Variants in LUZP1 observed in about 807,000 individuals in gnomAD.
LUZP1 encodes the protein filamin mechanobinding actin cross-linking protein.
LUZP1 carries 25 observed loss-of-function variants against 71.3 expected under a neutral mutation model. The observed-to-expected ratio is 0.35, with a 90% CI of 0.26 to 0.49. The LOEUF (loss-of-function observed/expected upper bound fraction) is 0.49, where lower values mean the gene tolerates loss of function less well. LUZP1 is among the 20% of genes least tolerant of loss of function. LUZP1 has a pLI of 0.99. For missense variants in LUZP1, 1,142 were observed against 1,300.8 expected (o/e 0.88, Z 1.88); for synonymous variants, 481 against 506.4 (o/e 0.95, Z 0.67).
chr1:23,121,659 G>C (rs1010172738), intron 2 of LUZP1, among the ~76,000 whole-genome samples: 3 of 152,182 alleles, frequency 2.0e-5, no homozygotes, highest in Non-Finnish European at 2.9e-5. Flanking sequence ...GGTCAAGGCT[G>C]CAGTGAGCCG....
At chr1:23,121,229 T>C (rs1364651534) in intron 2 of LUZP1, among the ~76,000 whole-genome samples, 1 of 152,250 alleles carries the variant, frequency 6.6e-6, no homozygotes, top group East Asian at 1.9e-4. Context: ...TAATTTAGTC[T>C]GTAATAGTTT....
intron 2 of LUZP1, among the ~76,000 whole-genome samples, chr1:23,109,390 T>C (rs1468956261): frequency 6.6e-6 from 1 of 152,230 alleles, no homozygotes; most frequent in East Asian, 1.9e-4. Context: ...TAGAACCCAC[T>C]GTCTTTGCTT....
chr1:23,104,315 G>C (rs1277647060), intron 3 of LUZP1, among the ~76,000 whole-genome samples: 2 of 151,982 alleles, frequency 1.3e-5, no homozygotes, highest in Non-Finnish European at 2.9e-5. Flanking sequence ...CTCCCGAGTA[G>C]CTGGGATTAC....
At chr1:23,126,580 C>T (rs1389339609) in intron 2 of LUZP1, among the ~76,000 whole-genome samples, 2 of 152,206 alleles carry the variant, frequency 1.3e-5, no homozygotes, top group African/African-American at 4.8e-5. Flanking sequence ...CCCACCACTA[C>T]CACTATATTC....
intron 2 of LUZP1, among the ~76,000 whole-genome samples, chr1:23,149,960 CAAAAAAAAAAAAA>C (rs66680455): frequency 3.3e-4 from 25 of 75,788 alleles, no homozygotes; most frequent in Admixed American, 6.0e-4. Context: ...GACTCCGTCT[CAAAAAAAAAAAAA>C]AAAAAAAAAA....
At chr1:23,120,839 T>C (rs1644124143) in intron 2 of LUZP1, among the ~76,000 whole-genome samples, 1 of 152,140 alleles carries the variant, frequency 6.6e-6, no homozygotes, top group Admixed American at 6.5e-5. Flanking sequence ...AAAGGAGGGC[T>C]TTCATATTTA....
At chr1:23,092,825 C>G in exon 4 of LUZP1, 1 of 1,613,756 alleles carries the variant, frequency 6.2e-7, no homozygotes, top group Non-Finnish European at 8.5e-7. Context: ...CCTGAGCAGC[C>G]GGGGGGTAGC....
chr1:23,140,987 G>A (rs1264194470), intron 2 of LUZP1: 1 of 152,386 alleles, frequency 6.6e-6, no homozygotes, highest in African/African-American at 2.4e-5. Context: ...TGTGCCCAGG[G>A]AGAAGGTGGA....
intron 2 of LUZP1, among the ~76,000 whole-genome samples, chr1:23,152,002 CAA>C (rs577798980): frequency 3.5e-4 from 22 of 63,536 alleles, no homozygotes; most frequent in Admixed American, 3.5e-4. Flanking sequence ...ACTCAGTCTC[CAA>C]AAAAAAAAAA....
exon 5 of LUZP1, chr1:23,086,235 A>G (rs1167690596): frequency 6.5e-6 from 1 of 152,684 alleles, no homozygotes; most frequent in East Asian, 1.9e-4. Flanking sequence ...GCCCAGAGAA[A>G]CAGCCTCCAG....
chr1:23,167,511 T>C (rs1644519277), intron 2 of LUZP1, among the ~76,000 whole-genome samples: 1 of 152,182 alleles, frequency 6.6e-6, no homozygotes, highest in Non-Finnish European at 1.5e-5. Flanking sequence ...TCTGGCCTTC[T>C]GGAAATCACA....
At chr1:23,092,855 C>T in exon 4 of LUZP1, 14 of 1,613,856 alleles carry the variant, frequency 8.7e-6, no homozygotes, top group Non-Finnish European at 1.2e-5. Context: ...CTGAGGGCTG[C>T]TCCCTAGACT....
At chr1:23,163,555 T>TAAAAAA (rs57231452) in intron 2 of LUZP1, among the ~76,000 whole-genome samples, 2 of 119,178 alleles carry the variant, frequency 1.7e-5, no homozygotes, top group Non-Finnish European at 1.7e-5. Flanking sequence ...TCCCGTCTCT[T>TAAAAAA]AAAAAAAAAA....
At chr1:23,170,864 A>T (rs1392640251) in intron 1 of LUZP1, among the ~76,000 whole-genome samples, 2 of 150,974 alleles carry the variant, frequency 1.3e-5, no homozygotes, top group Admixed American at 6.6e-5. Flanking sequence ...GTCCAGGGGG[A>T]TGGATCACTT....
intron 2 of LUZP1, among the ~76,000 whole-genome samples, chr1:23,164,271 G>T (rs1006612948): frequency 3.3e-5 from 5 of 152,126 alleles, no homozygotes; most frequent in African/African-American, 1.2e-4. Context: ...CGAAGCGGGC[G>T]GATCACGAGG....
At chr1:23,126,916 C>G (rs1387401097) in intron 2 of LUZP1, among the ~76,000 whole-genome samples, 2 of 152,180 alleles carry the variant, frequency 1.3e-5, no homozygotes, top group Non-Finnish European at 2.9e-5. Flanking sequence ...TTTCCACATG[C>G]CTTAAACTCC....
chr1:23,122,891 A>G (rs1644141354), intron 2 of LUZP1, among the ~76,000 whole-genome samples: 1 of 152,234 alleles, frequency 6.6e-6, no homozygotes, highest in Admixed American at 6.5e-5. Context: ...TTTTCTAATA[A>G]GCAATCGTGC....
intron 2 of LUZP1, among the ~76,000 whole-genome samples, chr1:23,110,355 C>T (rs1644017968): frequency 6.6e-6 from 1 of 152,194 alleles, no homozygotes; most frequent in Non-Finnish European, 1.5e-5. Flanking sequence ...AGAGCTACTA[C>T]AGATGGAAGA....
At chr1:23,115,076 T>A (rs12067252) in intron 2 of LUZP1, among the ~76,000 whole-genome samples, 26,283 of 152,150 alleles carry the variant, frequency 0.17, 2,337 homozygotes, top group East Asian at 0.26. Context: ...CAAACTTTTT[T>A]AATAATTTTC....
Sources: gnomAD v4.1 joint callset for allele counts (sites outside exome capture counted in the v4.1 genomes callset) on GRCh38, gnomAD v4.1.1 for gene constraint, MANE v1.5 for transcripts, NCBI Gene and HGNC (gene_info 2026-07-23, HGNC 2026-07-21) for gene names.